The following SIPA1L1 variants were observed in gnomAD, a reference collection of about 807,000 sequenced individuals.
SIPA1L1 encodes the protein signal-induced proliferation-associated 1-like protein 1.
Under a neutral mutation model 162.7 loss-of-function variants are expected in SIPA1L1, and 26 were observed. That is an observed-to-expected ratio of 0.16 (90% CI 0.12 to 0.22). The LOEUF is 0.22. Ranked by LOEUF, SIPA1L1 falls within the 10% of genes least tolerant of loss-of-function variation. The probability of loss-of-function intolerance (pLI) is 1.00; values close to 1 mark genes in which losing one functional copy is unlikely to be tolerated. For missense variants in SIPA1L1, 1,874 were observed against 2,241.0 expected, an observed-to-expected ratio of 0.84 and a Z score of 3.31; for synonymous variants, 829 against 837.4, an observed-to-expected ratio of 0.99 and a Z score of 0.17.
chr14:71,332,991 A>G (rs1235286743), intron 2 of SIPA1L1, among the ~76,000 whole-genome samples: 2 of 152,264 alleles, frequency 1.3e-5, no homozygotes, highest in Non-Finnish European at 2.9e-5. Flanking sequence ...TATTTTAGTG[A>G]GAAAATTCTA....
At chr14:71,715,509 C>G (rs1245150359) in intron 17 of SIPA1L1, among the ~76,000 whole-genome samples, 1 of 152,218 alleles carries the variant, frequency 6.6e-6, no homozygotes, top group Non-Finnish European at 1.5e-5. Flanking sequence ...ATGGATAAAG[C>G]CTGCAGCTGG....
chr14:71,454,032 A>G (rs2046014310), intron 2 of SIPA1L1, among the ~76,000 whole-genome samples: 1 of 151,180 alleles, frequency 6.6e-6, no homozygotes, highest in African/African-American at 2.4e-5. Context: ...AAAAGGAAAA[A>G]AGAAATCCTA....
chr14:71,706,681 C>CA (rs2149930439), intron 16 of SIPA1L1, among the ~76,000 whole-genome samples: 1 of 152,266 alleles, frequency 6.6e-6, no homozygotes, highest in Non-Finnish European at 1.5e-5. Context: ...ACTAGAGTAA[C>CA]ACCAATAAAG....
At chr14:71,451,743 CA>C (rs2045843205) in intron 2 of SIPA1L1, among the ~76,000 whole-genome samples, 1 of 151,348 alleles carries the variant, frequency 6.6e-6, no homozygotes, top group South Asian at 2.1e-4. Context: ...GTTCTCACCA[CA>C]AAAAAATGAA....
intron 2 of SIPA1L1, among the ~76,000 whole-genome samples, chr14:71,436,245 G>A (rs8012157): frequency 1 from 151,809 of 152,298 alleles, 75,675 homozygotes; most frequent in Middle Eastern, 1. Flanking sequence ...GTATTTTGTC[G>A]TTTATGGTAA....
intron 2 of SIPA1L1, among the ~76,000 whole-genome samples, chr14:71,419,643 G>A (rs1301949184): frequency 6.6e-6 from 1 of 151,574 alleles, no homozygotes. Context: ...GACTACAGGT[G>A]CCCGCCACCA....
At position 71,569,618 on chromosome 14, in the gene SIPA1L1, T is replaced by C. The variant is rs920698605; in HGVS notation, c.-302-17953T>C. On this transcript the variant is annotated intron_variant, in intron 4 of 23. Coordinates refer to ENST00000381232, the MANE Select transcript of SIPA1L1 (RefSeq NM_001386936.1). ...ACCCTCTGTCTGATTTAAGAAGGAATGGAATTTATGGTAATAATATTTAGT... is the reference window on the plus strand; with the variant it reads ...ACCCTCTGTCTGATTTAAGAAGGAACGGAATTTATGGTAATAATATTTAGT... 7.2e-5 allele frequency among the ~76,000 whole-genome samples: 11 copies of C among 152,266 alleles called. 1 individual carries two copies. In the South Asian group the frequency reaches 1.7e-3, roughly 23 times the overall value.
intron 5 of SIPA1L1, among the ~76,000 whole-genome samples, chr14:71,607,266 C>T (rs557438663): frequency 6.0e-5 from 9 of 151,098 alleles, no homozygotes; most frequent in East Asian, 1.9e-4. Context: ...GGACTGCCCT[C>T]GGCATAATAG....
At chr14:71,618,646 A>T in intron 5 of SIPA1L1, 111 bp from the exon 6 acceptor site, 1 of 957,102 alleles carries the variant, frequency 1.0e-6, no homozygotes, top group Non-Finnish European at 1.6e-6. Flanking sequence ...TTAAATGTTT[A>T]CATTTTATTG....
At chr14:71,491,009 A>G (rs1416488010) in intron 2 of SIPA1L1, among the ~76,000 whole-genome samples, 2 of 152,202 alleles carry the variant, frequency 1.3e-5, no homozygotes, top group Non-Finnish European at 2.9e-5. Context: ...ATATTTTATA[A>G]TGCTCTGTAT....
At chr14:71,463,660 GGGT>G (rs769362498) in intron 2 of SIPA1L1, among the ~76,000 whole-genome samples, 3 of 152,152 alleles carry the variant, frequency 2.0e-5, no homozygotes, top group Non-Finnish European at 2.9e-5. Context: ...TTCATTCAAG[GGGT>G]TCTGGATCTG....
At chr14:71,473,728 A>G (rs2047643127) in intron 2 of SIPA1L1, among the ~76,000 whole-genome samples, 1 of 152,164 alleles carries the variant, frequency 6.6e-6, no homozygotes, top group Admixed American at 6.5e-5. Context: ...AATGCTGAGG[A>G]AGGATTTGGG....
In SIPA1L1 at chr14:71,705,253, G is replaced by T. The variant is rs1379179180; in HGVS notation, c.3678G>T (p.Lys1226Asn). The T allele has an allele frequency of 6.8e-6, 11 of 1,614,168 alleles. No homozygotes were observed. The highest frequency in any genetic ancestry group is 8.5e-6 in the Non-Finnish European group (10 of 1,179,990). The change falls in exon 16 of 24, where the codon AAG becomes AAT. Residue 1226 changes from lysine (K) to asparagine (N), a missense_variant. Physicochemically the swap from Lys to Asn is moderately conservative, Grantham distance 94. This residue lies in a region of SIPA1L1 where 936 missense variants were observed against 1,051.9 expected (regional missense o/e 0.89). Coordinates refer to ENST00000381232, the MANE Select transcript of SIPA1L1 (RefSeq NM_001386936.1). Reference sequence around the variant, plus strand: ...CATGCCATCTCCCAGCAGTATCAAAGGTACTGCCAGCTTTCCGAGAGAGCC... The same window carrying T: ...CATGCCATCTCCCAGCAGTATCAAATGTACTGCCAGCTTTCCGAGAGAGCC... ...EPTCHLPAVS[K>N]VLPAFRESPS...
chr14:71,340,258 T>A (rs1594892116), intron 2 of SIPA1L1, among the ~76,000 whole-genome samples: 1 of 152,102 alleles, frequency 6.6e-6, no homozygotes, highest in East Asian at 1.9e-4. Context: ...TTTTTTCGTA[T>A]CTTTAACAAT....
chr14:71,595,628 G>A (rs1038325596), intron 5 of SIPA1L1, among the ~76,000 whole-genome samples: 1 of 152,084 alleles, frequency 6.6e-6, no homozygotes, highest in African/African-American at 2.4e-5. Flanking sequence ...AAACGCCTTT[G>A]TCCCCAGGCT....
At chr14:71,616,967 T>C (rs1471638118) in intron 5 of SIPA1L1, among the ~76,000 whole-genome samples, 2 of 152,136 alleles carry the variant, frequency 1.3e-5, no homozygotes, top group Non-Finnish European at 2.9e-5. Flanking sequence ...TAGAAGTTGG[T>C]TTTTATTAGA....
At position 71,620,432 on chromosome 14, in the gene SIPA1L1, C is replaced by G. The variant is rs1437000113; in HGVS notation, c.1629+1545C>G. On this transcript the variant is annotated intron_variant, in intron 6 of 23. Transcript: ENST00000381232. ...TCCAAGTATTTTTGTCTTTCGCATT[C>G]TCTTCTTTTTCCCTTCCCAAGGCCA... is the stretch of plus-strand genomic sequence containing the variant. Among the ~76,000 whole-genome samples the G allele has an allele frequency of 2.0e-5, 3 of 152,186 alleles. No homozygotes were observed. The South Asian group carries it at 6.2e-4, about 31-fold the overall frequency.
intron 5 of SIPA1L1, among the ~76,000 whole-genome samples, chr14:71,612,985 A>G (rs1596414132): frequency 6.6e-6 from 1 of 152,330 alleles, no homozygotes; most frequent in South Asian, 2.1e-4. Context: ...AGAAAACTTC[A>G]CACTAAACAT....
At chr14:71,671,019 G>T (rs2044465414) in intron 10 of SIPA1L1, 100 bp from the exon 11 acceptor site, 1 of 910,890 alleles carries the variant, frequency 1.1e-6, no homozygotes, top group South Asian at 1.7e-5. Flanking sequence ...CAGCTATTTT[G>T]TATCTGAGGT....
Sources: gnomAD v4.1 joint callset for allele counts (sites outside exome capture counted in the v4.1 genomes callset) on GRCh38, gnomAD v4.1.1 for gene constraint, gnomAD v4.1.1 regional missense constraint, MANE v1.5 for transcripts, NCBI Gene and HGNC (gene_info 2026-07-23, HGNC 2026-07-21) for gene names.